Variants in BMP6 observed in about 807,000 individuals in gnomAD.
BMP6 encodes the protein VG-1-R.
A neutral mutation model predicts 54.1 loss-of-function variants in BMP6; 17 were observed. The ratio of observed to expected loss-of-function variants is 0.31; its 90% CI spans 0.22 to 0.47. The LOEUF is 0.47. Among genes scored for constraint, BMP6 ranks in the 20% least tolerant of loss-of-function variants. The pLI is 1.00. For missense variants in BMP6, 720 were observed against 690.4 expected, an observed-to-expected ratio of 1.04 and a Z score of -0.48; for synonymous variants, 328 against 291.2, an observed-to-expected ratio of 1.13 and a Z score of -1.28.
At chr6:7,874,323 A>G (rs1759572757) in intron 4 of BMP6, among the ~76,000 whole-genome samples, 2 of 152,290 alleles carry the variant, frequency 1.3e-5, no homozygotes, top group East Asian at 1.9e-4. Context: ...CAGCCGCCAC[A>G]TGGTTGTTCC....
chr6:7,861,912 C>T (rs529413377), intron 3 of BMP6, among the ~76,000 whole-genome samples: 2 of 152,240 alleles, frequency 1.3e-5, no homozygotes, highest in East Asian at 3.9e-4. Flanking sequence ...GAGAGGCAGG[C>T]GCATCTGTTT....
At chr6:7,788,394 A>G (rs1400118505) in intron 1 of BMP6, among the ~76,000 whole-genome samples, 1 of 152,208 alleles carries the variant, frequency 6.6e-6, no homozygotes, top group Non-Finnish European at 1.5e-5. Context: ...TAAGAAACAC[A>G]GTGTATGCTA....
intron 4 of BMP6, among the ~76,000 whole-genome samples, chr6:7,875,193 G>T (rs1307417339): frequency 6.6e-6 from 1 of 152,106 alleles, no homozygotes; most frequent in East Asian, 1.9e-4. Flanking sequence ...GATGTCCCAG[G>T]GCAAGAGAAG....
At chr6:7,734,062 T>G (rs1350634861) in intron 1 of BMP6, among the ~76,000 whole-genome samples, 2 of 152,198 alleles carry the variant, frequency 1.3e-5, no homozygotes, top group Admixed American at 1.3e-4. Context: ...TTTGAAGATT[T>G]TGTTGTCTAT....
chr6:7,768,740 A>G (rs1198491175), intron 1 of BMP6, among the ~76,000 whole-genome samples: 1 of 152,170 alleles, frequency 6.6e-6, no homozygotes, highest in Non-Finnish European at 1.5e-5. Flanking sequence ...TTATTTCAAC[A>G]GCTTTCTAAG....
chr6:7,879,233 C>G, intron 5 of BMP6, 83 bp downstream of exon 5: 1 of 1,399,340 alleles, frequency 7.1e-7, no homozygotes, highest in Non-Finnish European at 1.0e-6. Context: ...TACCAAACAC[C>G]CAGAGCTTGA....
At chr6:7,748,878 T>C (rs1757384050) in intron 1 of BMP6, among the ~76,000 whole-genome samples, 1 of 152,222 alleles carries the variant, frequency 6.6e-6, no homozygotes, top group African/African-American at 2.4e-5. Flanking sequence ...AATTTCCTGC[T>C]ATGTTATGAT....
intron 2 of BMP6, among the ~76,000 whole-genome samples, chr6:7,852,061 A>T (rs1759151301): frequency 6.6e-6 from 1 of 152,166 alleles, no homozygotes; most frequent in Non-Finnish European, 1.5e-5. Context: ...TCCTGGCAAG[A>T]CTGCTAATTT....
intron 1 of BMP6, among the ~76,000 whole-genome samples, chr6:7,806,306 C>T (rs1758346506): frequency 6.6e-6 from 1 of 152,354 alleles, no homozygotes; most frequent in East Asian, 1.9e-4. Context: ...ATTGCTTCTA[C>T]ATGTGAATAG....
At chr6:7,802,302 A>G (rs112014403) in intron 1 of BMP6, among the ~76,000 whole-genome samples, 2,047 of 152,278 alleles carry the variant, frequency 0.013, 24 homozygotes, top group Admixed American at 0.024. Flanking sequence ...CCCTCATTCA[A>G]TCATTAAATG....
Position 7,867,777 on chromosome 6 carries a change from T to C in BMP6, c.1204+5279T>C, listed in dbSNP as rs145858003. On this transcript the variant is annotated intron_variant, in intron 4 of 6. Coordinates refer to ENST00000283147, the MANE Select transcript of BMP6 (RefSeq NM_001718.6). The stretch of plus-strand genomic sequence containing the variant: ...TCATGGCAAATAGTGATCTAAAAGT[T>C]AGAATCACCAAAAAAAAGTTAGAAT... 8.5e-3 allele frequency among the ~76,000 whole-genome samples: 1,293 copies of C among 152,316 alleles called. 6 individuals are homozygous for C. The highest frequency in any genetic ancestry group is 0.014 in the Non-Finnish European group (930 of 68,030).
At chr6:7,856,299 A>G (rs1759231630) in intron 2 of BMP6, among the ~76,000 whole-genome samples, 1 of 152,118 alleles carries the variant, frequency 6.6e-6, no homozygotes, top group African/African-American at 2.4e-5. Flanking sequence ...CATAATCTAT[A>G]CTGTACTTTA....
intron 1 of BMP6, among the ~76,000 whole-genome samples, chr6:7,748,037 G>A (rs1475537183): frequency 2.0e-5 from 3 of 152,222 alleles, no homozygotes; most frequent in Non-Finnish European, 4.4e-5. Flanking sequence ...AATGAATACA[G>A]TGTTATTTAT....
At chr6:7,797,337 C>T (rs1461202869) in intron 1 of BMP6, among the ~76,000 whole-genome samples, 1 of 152,186 alleles carries the variant, frequency 6.6e-6, no homozygotes, top group Admixed American at 6.5e-5. Flanking sequence ...TGTTACACAT[C>T]CCGAGTAATG....
chr6:7,852,967 C>T (rs552081099), intron 2 of BMP6, among the ~76,000 whole-genome samples: 6 of 152,262 alleles, frequency 3.9e-5, no homozygotes, highest in Admixed American at 6.5e-5. Flanking sequence ...GCTCTTCTCA[C>T]GCACTAGCTG....
intron 1 of BMP6, among the ~76,000 whole-genome samples, chr6:7,810,212 G>A (rs892331952): frequency 3.9e-5 from 6 of 152,090 alleles, no homozygotes; most frequent in Admixed American, 3.3e-4. Context: ...TCATCTTATC[G>A]ATAAATACAA....
intron 1 of BMP6, among the ~76,000 whole-genome samples, chr6:7,769,753 TAA>T (rs1561766277): frequency 2.0e-5 from 3 of 152,236 alleles, no homozygotes. Context: ...ATCTATGATG[TAA>T]AGAGGTTGAT....
chr6:7,727,682 G>T, intron 1 of BMP6, 63 bp downstream of exon 1: 2 of 1,433,182 alleles, frequency 1.4e-6, no homozygotes, highest in East Asian at 5.3e-5. Flanking sequence ...CCGGGCCCAG[G>T]GGATGGAGTG....
chr6:7,874,636 T>TA (rs1307913897), intron 4 of BMP6, among the ~76,000 whole-genome samples: 1 of 151,948 alleles, frequency 6.6e-6, no homozygotes, highest in Non-Finnish European at 1.5e-5. Context: ...TACACCCAGC[T>TA]ACTCGGAAGG....
Sources: gnomAD v4.1 joint callset for allele counts (sites outside exome capture counted in the v4.1 genomes callset) on GRCh38, gnomAD v4.1.1 for gene constraint, MANE v1.5 for transcripts, NCBI Gene and HGNC (gene_info 2026-07-23, HGNC 2026-07-21) for gene names.